SGCD: variants seen among roughly 807,000 people sequenced by gnomAD.
SGCD encodes sarcoglycan delta, also known as delta-sarcoglycan.
Under a neutral mutation model 36.6 loss-of-function variants are expected in SGCD, and 18 were observed. The observed-to-expected ratio is 0.49, with a 90% CI of 0.34 to 0.73. The LOEUF is 0.73. SGCD is among the 30% of genes least tolerant of loss of function. The pLI, the probability that SGCD is intolerant of heterozygous loss-of-function variation, is 0.01. For missense variants in SGCD, 387 were observed against 346.7 expected, an observed-to-expected ratio of 1.12 and a Z score of -0.92; for synonymous variants, 133 against 130.6, an observed-to-expected ratio of 1.02 and a Z score of -0.12.
chr5:155,886,905 T>C (rs112157476), intron 1 of SGCD, among the ~76,000 whole-genome samples: 4,198 of 152,244 alleles, frequency 0.028, 198 homozygotes, highest in African/African-American at 0.095. Flanking sequence ...CAGAACCACA[T>C]TGGGCATGCC....
intron 6 of SGCD, among the ~76,000 whole-genome samples, chr5:156,637,435 C>T (rs760070149): frequency 2.0e-5 from 3 of 152,092 alleles, no homozygotes; most frequent in Non-Finnish European, 4.4e-5. Context: ...TGGTCTTTTT[C>T]TCATGGTCAG....
chr5:155,741,376 C>A, the SGCD span, among the ~76,000 whole-genome samples: 1 of 152,138 alleles, frequency 6.6e-6, no homozygotes, highest in African/African-American at 2.4e-5. Flanking sequence ...GTGGATTTTT[C>A]CCTGTAAGAG....
At chr5:156,657,097 T>A (rs914446023) in intron 7 of SGCD, among the ~76,000 whole-genome samples, 1 of 152,158 alleles carries the variant, frequency 6.6e-6, no homozygotes, top group South Asian at 2.1e-4. Context: ...CTTTCTGTGA[T>A]TTATAAATTT....
chr5:156,095,479 A>G (rs1367209690), intron 1 of SGCD, among the ~76,000 whole-genome samples: 2 of 152,168 alleles, frequency 1.3e-5, no homozygotes, highest in Admixed American at 1.3e-4. Flanking sequence ...GACAACAGTG[A>G]GTGTGGTAAG....
chr5:156,143,678 C>G (rs1762629729), intron 3 of SGCD, among the ~76,000 whole-genome samples: 1 of 152,144 alleles, frequency 6.6e-6, no homozygotes, highest in Non-Finnish European at 1.5e-5. Context: ...TTGATGACTG[C>G]CCTGCTGGGT....
chr5:155,915,736 C>A (rs1756721240), intron 1 of SGCD, among the ~76,000 whole-genome samples: 1 of 152,144 alleles, frequency 6.6e-6, no homozygotes, highest in South Asian at 2.1e-4. Flanking sequence ...AAGTTCAAAA[C>A]CTAAATTATT....
rs75504382 is a variant in SGCD, at chr5:156,613,284, T to C, written c.502+18233T>C. ...TAATAGCTGAGTTTCAAAGGACTCA[T>C]CAAATCCTGAAATTGTACACAGCCC... On this transcript the variant is annotated intron_variant, in intron 6 of 8. Coordinates refer to ENST00000337851, the MANE Select transcript of SGCD (RefSeq NM_000337.6). Among the ~76,000 whole-genome samples the C allele has an allele frequency of 5.1e-3, 770 of 152,350 alleles. 4 individuals are homozygous for C. The highest frequency in any genetic ancestry group is 0.018 in the African/African-American group (730 of 41,570).
At chr5:155,748,545 C>A in the SGCD span, among the ~76,000 whole-genome samples, 2 of 152,102 alleles carry the variant, frequency 1.3e-5, no homozygotes. Context: ...TCTCACTCAG[C>A]AAATCTGGGG....
At chr5:156,677,327 A>G (rs1334201291) in intron 7 of SGCD, among the ~76,000 whole-genome samples, 2 of 152,246 alleles carry the variant, frequency 1.3e-5, no homozygotes, top group African/African-American at 4.8e-5. Context: ...ATGGAATACT[A>G]TGCAGCCATA....
At chr5:156,385,898 T>C (rs1270901049) in intron 3 of SGCD, among the ~76,000 whole-genome samples, 3 of 152,198 alleles carry the variant, frequency 2.0e-5, no homozygotes, top group African/African-American at 7.2e-5. Context: ...CCCTCACAGG[T>C]CTTTTTCATT....
At chr5:155,978,912 T>C (rs1340625593) in intron 1 of SGCD, among the ~76,000 whole-genome samples, 1 of 152,078 alleles carries the variant, frequency 6.6e-6, no homozygotes, top group East Asian at 1.9e-4. Flanking sequence ...AGAAAATCAC[T>C]ACTTAAAGAT....
intron 3 of SGCD, among the ~76,000 whole-genome samples, chr5:156,296,478 C>T (rs1431644824): frequency 6.6e-6 from 1 of 152,156 alleles, no homozygotes; most frequent in Non-Finnish European, 1.5e-5. Context: ...TATAAATTTA[C>T]ACCTTAACAC....
chr5:156,079,985 G>T (rs927068999), intron 1 of SGCD, among the ~76,000 whole-genome samples: 7 of 152,236 alleles, frequency 4.6e-5, no homozygotes, highest in African/African-American at 1.4e-4. Context: ...CTCTGCCCCT[G>T]CAGCAGGCTT....
At chr5:156,246,277 C>T (rs1382466971) in intron 3 of SGCD, among the ~76,000 whole-genome samples, 1 of 152,044 alleles carries the variant, frequency 6.6e-6, no homozygotes, top group African/African-American at 2.4e-5. Flanking sequence ...GAGAGTTCTC[C>T]AGTGAGCTGT....
intron 3 of SGCD, among the ~76,000 whole-genome samples, chr5:156,246,486 A>C (rs1295360893): frequency 1.3e-5 from 2 of 152,170 alleles, no homozygotes; most frequent in Non-Finnish European, 2.9e-5. Context: ...GGTTCCATTA[A>C]AGCCCATGAG....
At chr5:156,338,784 C>T (rs940709978) in intron 2 of SGCD, among the ~76,000 whole-genome samples, 2 of 152,022 alleles carry the variant, frequency 1.3e-5, no homozygotes, top group African/African-American at 2.4e-5. Context: ...GCTGCATGGT[C>T]ATCACAGAGT....
intron 3 of SGCD, among the ~76,000 whole-genome samples, chr5:156,478,076 G>T (rs1050804353): frequency 6.6e-6 from 1 of 151,866 alleles, no homozygotes; most frequent in African/African-American, 2.4e-5. Flanking sequence ...TGGAGTCAAG[G>T]GTAGGGTGTT....
intron 3 of SGCD, among the ~76,000 whole-genome samples, chr5:156,442,338 G>T (rs1043179949): frequency 6.6e-6 from 1 of 152,162 alleles, no homozygotes; most frequent in Admixed American, 6.6e-5. Context: ...GCTATGAGAC[G>T]AAATTGGTTT....
chr5:156,695,274 TAGACTTTG>T (rs1683243483), intron 7 of SGCD, among the ~76,000 whole-genome samples: 1 of 151,990 alleles, frequency 6.6e-6, no homozygotes, highest in South Asian at 2.1e-4. Context: ...TTTTAAATGG[TAGACTTTG>T]AGTAAAGCAG....
Sources: allele counts gnomAD v4.1 joint callset (sites outside exome capture counted in the v4.1 genomes callset), GRCh38; gene constraint gnomAD v4.1.1; transcripts MANE v1.5; gene names NCBI Gene and HGNC (gene_info 2026-07-23, HGNC 2026-07-21).